Variants in CHRM3 observed in about 807,000 individuals in gnomAD.
CHRM3 encodes the protein muscarinic acetylcholine receptor M3.
Under a neutral mutation model 41.8 loss-of-function variants are expected in CHRM3, and 11 were observed. That is an observed-to-expected ratio of 0.26 (90% confidence interval 0.17 to 0.44). The LOEUF (loss-of-function observed/expected upper bound fraction) is 0.44, where lower values mean the gene tolerates loss of function less well. CHRM3 is among the 20% of genes least tolerant of loss of function. The probability of loss-of-function intolerance (pLI) is 1.00; values close to 1 mark genes in which losing one functional copy is unlikely to be tolerated. For synonymous variants in CHRM3, 297 were observed against 301.4 expected (o/e 0.99, Z 0.15); for missense variants, 571 against 745.4 (o/e 0.77, Z 2.72).
chr1:239,674,502 G>T (rs984940533), intron 4 of CHRM3, among the ~76,000 whole-genome samples: 1 of 152,000 alleles, frequency 6.6e-6, no homozygotes, highest in African/African-American at 2.4e-5. Context: ...GAGGTCATGA[G>T]ATCGAGACCA....
chr1:239,573,160 TC>T (rs1215957326), intron 3 of CHRM3, among the ~76,000 whole-genome samples: 1 of 152,082 alleles, frequency 6.6e-6, no homozygotes, highest in Non-Finnish European at 1.5e-5. Context: ...ATTCTTTTTT[TC>T]CCCCTACCAT....
intron 6 of CHRM3, among the ~76,000 whole-genome samples, chr1:239,835,179 A>G (rs1427978906): frequency 2.6e-5 from 4 of 152,212 alleles, no homozygotes; most frequent in Non-Finnish European, 4.4e-5. Flanking sequence ...AATAAATCAC[A>G]TGGAGGTCTC....
At chr1:239,720,409 C>A (rs371568206) in intron 5 of CHRM3, among the ~76,000 whole-genome samples, 6 of 151,578 alleles carry the variant, frequency 4.0e-5, no homozygotes, top group African/African-American at 1.5e-4. Flanking sequence ...TCTGAAACCC[C>A]AAAAAAACCT....
At chr1:239,486,461 A>C (rs1458285758) in intron 1 of CHRM3, among the ~76,000 whole-genome samples, 2 of 152,162 alleles carry the variant, frequency 1.3e-5, no homozygotes, top group African/African-American at 4.8e-5. Flanking sequence ...ACAATAGAAA[A>C]TGTTGAGTTC....
chr1:239,616,223 A>T (rs1667617777), intron 3 of CHRM3, among the ~76,000 whole-genome samples: 1 of 152,148 alleles, frequency 6.6e-6, no homozygotes, highest in Admixed American at 6.5e-5. Context: ...GTTAAACCTA[A>T]ATTTAATATA....
At chr1:239,485,560 A>G (rs1558258429) in intron 1 of CHRM3, among the ~76,000 whole-genome samples, 2 of 152,188 alleles carry the variant, frequency 1.3e-5, no homozygotes, top group African/African-American at 2.4e-5. Context: ...GATTACAGGC[A>G]TGAGCCACCA....
chr1:239,650,463 A>G (rs1486130485), intron 4 of CHRM3, among the ~76,000 whole-genome samples: 1 of 152,196 alleles, frequency 6.6e-6, no homozygotes, highest in Non-Finnish European at 1.5e-5. Context: ...GTAAAGGGGA[A>G]AAAAGAAGTG....
intron 2 of CHRM3, among the ~76,000 whole-genome samples, chr1:239,521,730 C>G (rs1047334288): frequency 6.6e-6 from 1 of 151,980 alleles, no homozygotes; most frequent in Non-Finnish European, 1.5e-5. Context: ...CAGATTAAAC[C>G]AATCTCAGAT....
intron 5 of CHRM3, among the ~76,000 whole-genome samples, chr1:239,777,217 A>G (rs1194970381): frequency 6.6e-6 from 1 of 152,208 alleles, no homozygotes; most frequent in Non-Finnish European, 1.5e-5. Flanking sequence ...AGGAATAAAC[A>G]AGAATCCACT....
intron 4 of CHRM3, among the ~76,000 whole-genome samples, chr1:239,638,216 T>A (rs1188880084): frequency 4.0e-5 from 6 of 150,872 alleles, no homozygotes; most frequent in Non-Finnish European, 7.4e-5. Context: ...AGTGCCGCAA[T>A]AAACATACGT....
At chr1:239,665,164 GAAA>G (rs56144752) in intron 4 of CHRM3, among the ~76,000 whole-genome samples, 43 of 119,452 alleles carry the variant, frequency 3.6e-4, no homozygotes, top group African/African-American at 3.6e-4. Context: ...GTTTTTCTCT[GAAA>G]AAAAAAAAAA....
intron 6 of CHRM3, among the ~76,000 whole-genome samples, chr1:239,843,685 T>C (rs376666154): frequency 9.2e-5 from 14 of 152,238 alleles, no homozygotes; most frequent in Middle Eastern, 6.8e-3. Flanking sequence ...AAAAAGACTT[T>C]AATTGCTGAC....
intron 5 of CHRM3, among the ~76,000 whole-genome samples, chr1:239,765,560 C>A (rs1380727757): frequency 6.6e-6 from 1 of 152,132 alleles, no homozygotes; most frequent in Non-Finnish European, 1.5e-5. Context: ...GGTTGAATTT[C>A]TTGATGTTGC....
At chr1:239,618,715 C>A (rs191369126) in intron 3 of CHRM3, among the ~76,000 whole-genome samples, 3,373 of 149,546 alleles carry the variant, frequency 0.023, 143 homozygotes, top group African/African-American at 0.079. Flanking sequence ...GTGGTGGCAG[C>A]CACCTGTAGT....
At chr1:239,690,711 C>G (rs1369983232) in intron 5 of CHRM3, among the ~76,000 whole-genome samples, 3 of 151,952 alleles carry the variant, frequency 2.0e-5, no homozygotes, top group African/African-American at 7.3e-5. Flanking sequence ...TAATTTTCTT[C>G]TCTGCTTGGG....
At chr1:239,518,596 G>C (rs1669427113) in intron 2 of CHRM3, among the ~76,000 whole-genome samples, 1 of 152,088 alleles carries the variant, frequency 6.6e-6, no homozygotes, top group Admixed American at 6.5e-5. Context: ...TCCACAGTTT[G>C]GGAGAAAAAA....
chr1:239,666,046 G>A (rs1003953914), intron 4 of CHRM3, among the ~76,000 whole-genome samples: 5 of 152,182 alleles, frequency 3.3e-5, no homozygotes, highest in African/African-American at 1.2e-4. Flanking sequence ...CAATGGGATT[G>A]CTGGGTCAAA....
At position 239,908,789 on chromosome 1, in the gene CHRM3, A is replaced by G. The variant is rs200157577; in HGVS notation, c.1338A>G (p.Ser446=). 53 of 1,613,974 alleles carry G rather than the reference A, an allele frequency of 3.3e-5. No individual in the cohort carries two copies. Among genetic ancestry groups the G allele is most frequent in the Middle Eastern group, 1.6e-4 (1 of 6,084 alleles). The change falls in exon 7 of 7, where the codon TCA becomes TCG. Residue 446 remains serine, a synonymous_variant. Transcript: ENST00000676153. This position sits in a 1 kb window ranked among gnomAD's most constrained non-coding sequence, Gnocchi z 7.2. ...DTAKTSDVNS[S]VGKSTATLPL... is the part of the protein sequence containing the mutation. The stretch of plus-strand genomic sequence containing the variant: ...CTAAGACTTCTGACGTCAACTCCTC[A>G]GTGGGTAAGAGCACGGCCACTCTAC...
chr1:239,752,466 CTTATT>C (rs1380624805), intron 5 of CHRM3, among the ~76,000 whole-genome samples: 1 of 152,048 alleles, frequency 6.6e-6, no homozygotes, highest in African/African-American at 2.4e-5. Flanking sequence ...ATTTTTTTCT[CTTATT>C]AAATTAGTGA....
Sources: allele counts gnomAD v4.1 joint callset (sites outside exome capture counted in the v4.1 genomes callset), GRCh38; gene constraint gnomAD v4.1.1; non-coding constraint Gnocchi (gnomAD v3.1); transcripts MANE v1.5; gene names NCBI Gene and HGNC (gene_info 2026-07-23, HGNC 2026-07-21).